VAT1L: variants seen among roughly 807,000 people sequenced by gnomAD.
VAT1L encodes vesicle amine transport 1 like.
A neutral mutation model predicts 44.1 loss-of-function variants in VAT1L; 34 were observed. The ratio of observed to expected loss-of-function variants is 0.77; its 90% CI spans 0.59 to 1.03. The LOEUF is 1.03. Among genes scored for constraint, VAT1L ranks in the 50% least tolerant of loss-of-function variants. VAT1L has a pLI of 0.00. For synonymous variants in VAT1L, 253 were observed against 202.2 expected (o/e 1.25, Z -2.13); for missense variants, 615 against 538.8 (o/e 1.14, Z -1.40).
intron 8 of VAT1L, among the ~76,000 whole-genome samples, chr16:77,976,116 A>T (rs415646): frequency 0.092 from 13,969 of 152,258 alleles, 729 homozygotes; most frequent in African/African-American, 0.11. Flanking sequence ...TCATTATCCT[A>T]AAACACTTGT....
intron 7 of VAT1L, among the ~76,000 whole-genome samples, chr16:77,885,721 AC>A (rs2017202967): frequency 6.6e-6 from 1 of 152,136 alleles, no homozygotes; most frequent in African/African-American, 2.4e-5. Context: ...AGTCACAAAT[AC>A]TTTTTAAAAA....
intron 4 of VAT1L, among the ~76,000 whole-genome samples, chr16:77,872,527 C>G (rs1245414570): frequency 6.6e-6 from 1 of 152,140 alleles, no homozygotes; most frequent in Non-Finnish European, 1.5e-5. Context: ...GCCCACCAAC[C>G]AAGAGTCCGT....
At chr16:77,819,313 C>T (rs55943101) in intron 2 of VAT1L, among the ~76,000 whole-genome samples, 4,363 of 152,224 alleles carry the variant, frequency 0.029, 81 homozygotes, top group Non-Finnish European at 0.045. Flanking sequence ...CTGTGAAGAA[C>T]AGGATGCTAG....
intron 1 of VAT1L, among the ~76,000 whole-genome samples, chr16:77,802,027 C>T (rs529001082): frequency 1.3e-5 from 2 of 152,280 alleles, no homozygotes; most frequent in Admixed American, 6.5e-5. Flanking sequence ...CTCTGTCTGA[C>T]CCCGGAGGAG....
chr16:77,940,376 C>G (rs374005619), intron 7 of VAT1L, among the ~76,000 whole-genome samples: 1 of 134,570 alleles, frequency 7.4e-6, no homozygotes, highest in South Asian at 2.5e-4. Context: ...CAGACTCTCA[C>G]TCTGTCTTCC....
intron 7 of VAT1L, among the ~76,000 whole-genome samples, chr16:77,954,662 C>G (rs997322565): frequency 6.6e-6 from 1 of 152,178 alleles, no homozygotes; most frequent in Non-Finnish European, 1.5e-5. Flanking sequence ...TCATCTCCCC[C>G]TCTCAGGGGC....
intron 3 of VAT1L, among the ~76,000 whole-genome samples, chr16:77,858,235 G>T (rs1235281319): frequency 6.6e-6 from 1 of 152,114 alleles, no homozygotes; most frequent in Non-Finnish European, 1.5e-5. Flanking sequence ...ACTCTATCTG[G>T]GATGCTGGAA....
chr16:77,897,182 G>C (rs1433328256), intron 7 of VAT1L, among the ~76,000 whole-genome samples: 1 of 152,176 alleles, frequency 6.6e-6, no homozygotes, highest in South Asian at 2.1e-4. Context: ...GATAATGCAT[G>C]AGTAAAAGGT....
At chr16:77,965,184 T>C (rs2018209946) in intron 7 of VAT1L, among the ~76,000 whole-genome samples, 1 of 152,254 alleles carries the variant, frequency 6.6e-6, no homozygotes, top group Non-Finnish European at 1.5e-5. Flanking sequence ...TTCAGCCAGC[T>C]CCCGGCCCAG....
At chr16:77,901,590 G>A (rs1270918532) in intron 7 of VAT1L, among the ~76,000 whole-genome samples, 1 of 152,154 alleles carries the variant, frequency 6.6e-6, no homozygotes, top group African/African-American at 2.4e-5. Context: ...TCCTCTCAGA[G>A]CAGGTGGAAT....
intron 7 of VAT1L, among the ~76,000 whole-genome samples, chr16:77,919,941 G>A (rs965220223): frequency 6.6e-6 from 1 of 152,030 alleles, no homozygotes; most frequent in African/African-American, 2.4e-5. Flanking sequence ...ATAAATAGCC[G>A]AGTATGGTGG....
At chr16:77,835,288 T>C (rs1202917405) in intron 3 of VAT1L, among the ~76,000 whole-genome samples, 1 of 152,196 alleles carries the variant, frequency 6.6e-6, no homozygotes, top group Non-Finnish European at 1.5e-5. Context: ...TAAATTTAAA[T>C]CTATTAAGCA....
At chr16:77,799,942 G>C (rs893054389) in intron 1 of VAT1L, 1 of 152,140 alleles carries the variant, frequency 6.6e-6, no homozygotes, top group Non-Finnish European at 1.5e-5. Flanking sequence ...TGGAGAATGA[G>C]TAAATATATT....
chr16:77,939,366 G>C (rs888383556), intron 7 of VAT1L, among the ~76,000 whole-genome samples: 6 of 152,170 alleles, frequency 3.9e-5, no homozygotes, highest in African/African-American at 1.4e-4. Context: ...TTATATCATA[G>C]CTCAAACCAG....
chr16:77,903,771 C>G (rs916825020), intron 7 of VAT1L, among the ~76,000 whole-genome samples: 1 of 118,546 alleles, frequency 8.4e-6, no homozygotes, highest in Non-Finnish European at 1.7e-5. Flanking sequence ...GAGTCTTATT[C>G]TGTCACCCAG....
At chr16:77,966,596 G>C (rs1365675381) in intron 7 of VAT1L, among the ~76,000 whole-genome samples, 1 of 152,152 alleles carries the variant, frequency 6.6e-6, no homozygotes, top group African/African-American at 2.4e-5. Flanking sequence ...GTCCAGTGCT[G>C]TTCAGCAGAA....
chr16:77,906,990 A>G (rs1254742025), intron 7 of VAT1L, among the ~76,000 whole-genome samples: 8 of 152,186 alleles, frequency 5.3e-5, no homozygotes, highest in African/African-American at 1.9e-4. Flanking sequence ...GGACCTATGA[A>G]GTTGGTTACA....
In VAT1L at chr16:77,915,762, G is replaced by C. The variant is rs140633939; in HGVS notation, c.1077+30960G>C. Among the ~76,000 whole-genome samples the C allele has an allele frequency of 1.3e-4, 20 of 152,322 alleles. No homozygotes were observed. The East Asian group carries it at 3.5e-3, about 26-fold the overall frequency. ...GTTGGCTAGAAGACGGAGCCAGATA[G>C]AGGGTCTCACAAAGCAGCAGCTGAC... On this transcript the variant is annotated intron_variant, in intron 7 of 8. Transcript: ENST00000302536.
At chr16:77,817,170 T>C (rs774928069) in intron 2 of VAT1L, 120 bp downstream of exon 2, 1 of 1,397,230 alleles carries the variant, frequency 7.2e-7, no homozygotes, top group African/African-American at 1.5e-5. Flanking sequence ...CATTGTCTTC[T>C]TATTTGGACT....
Sources: gnomAD v4.1 joint callset for allele counts (sites outside exome capture counted in the v4.1 genomes callset) on GRCh38, gnomAD v4.1.1 for gene constraint, MANE v1.5 for transcripts, NCBI Gene and HGNC (gene_info 2026-07-23, HGNC 2026-07-21) for gene names.